The following IQGAP1 variants were observed in gnomAD, a reference collection of about 807,000 sequenced individuals.
IQGAP1 encodes the protein IQ motif containing GTPase activating protein 1.
In IQGAP1, 66 loss-of-function variants were observed where a neutral mutation model predicts 215.6. The ratio of observed to expected loss-of-function variants is 0.31; its 90% CI spans 0.25 to 0.38. The LOEUF (loss-of-function observed/expected upper bound fraction) is 0.38, where lower values mean the gene tolerates loss of function less well. IQGAP1 is among the 10% of genes least tolerant of loss of function. IQGAP1 has a pLI of 1.00. For synonymous variants in IQGAP1, 772 were observed against 728.7 expected (o/e 1.06, Z -0.96); for missense variants, 1,712 against 1,997.1 (o/e 0.86, Z 2.72).
At chr15:90,496,103 A>G (rs1218177455) in intron 36 of IQGAP1, among the ~76,000 whole-genome samples, 1 of 151,868 alleles carries the variant, frequency 6.6e-6, no homozygotes, top group Non-Finnish European at 1.5e-5. Context: ...AATATGTTTA[A>G]GGAATAACCC....
rs186274825 is a variant in IQGAP1, at chr15:90,403,921, C to T, written c.155+13048C>T. ...AACTCCTGACCTTAGGTTATCTGCC[C>T]GCCTTGGCCTCCCTAAGTGTTGGGC... On this transcript the variant is annotated intron_variant, in intron 2 of 37. Transcript: ENST00000268182. 8.8e-4 allele frequency among the ~76,000 whole-genome samples: 134 copies of T among 152,308 alleles called. 1 individual carries two copies. The highest frequency in any genetic ancestry group is 3.2e-3 in the African/African-American group (131 of 41,568).
chr15:90,477,695 G>A lies in IQGAP1; in HGVS notation c.3135G>A (p.Val1045=). ...KSKVDQIQEI[V]TGNPTVIKMV... is the part of the protein sequence containing the mutation. ...AGGTAGATCAGATTCAAGAGATTGTGACAGGAAATCCTACGGTTATTAAAA... is the reference window on the plus strand; with the variant it reads ...AGGTAGATCAGATTCAAGAGATTGTAACAGGAAATCCTACGGTTATTAAAA... Residue 1045 remains valine, a synonymous_variant, in exon 26 of 38, where the codon GTG becomes GTA. Coordinates refer to ENST00000268182, the MANE Select transcript of IQGAP1 (RefSeq NM_003870.4). 1 of 1,613,798 alleles carries A rather than the reference G, an allele frequency of 6.2e-7. No individual in the cohort carries two copies. The highest frequency in any genetic ancestry group is 8.5e-7 in the Non-Finnish European group (1 of 1,179,776).
Position 90,417,447 on chromosome 15 carries a change from C to T in IQGAP1, c.156-8663C>T, listed in dbSNP as rs544727915. Among the ~76,000 whole-genome samples, 1,059 of 152,256 alleles carry T rather than the reference C, an allele frequency of 7.0e-3. 14 individuals are homozygous for T. Among genetic ancestry groups the T allele is most frequent in the African/African-American group, 0.025 (1,028 of 41,532 alleles). ...ATATGGCTAGCCAGTTTTCCCAGCA[C>T]CATTTATTAAATAGGGAATCGTTTC... On this transcript the variant is annotated intron_variant, in intron 2 of 37. Coordinates refer to ENST00000268182, the MANE Select transcript of IQGAP1 (RefSeq NM_003870.4).
chr15:90,433,790 A>T lies in IQGAP1; in HGVS notation c.462A>T (p.Ala154=), dbSNP rs778014212. The T allele has an allele frequency of 6.3e-7, 1 of 1,582,680 alleles. No individual in the cohort carries two copies. Among genetic ancestry groups the T allele is most frequent in the Non-Finnish European group, 8.6e-7 (1 of 1,159,006 alleles). ...CAAGATGTATCTACTGTATCCATGC[A>T]CTCAGGTAGTCAAATTTTCTTGGCA... The part of the protein sequence containing the change: ...NMPRCIYCIH[A]LSLYLFKLGL... Residue 154 remains alanine, a synonymous_variant, in exon 5 of 38, where the codon GCA becomes GCT. Coordinates refer to ENST00000268182, the MANE Select transcript of IQGAP1 (RefSeq NM_003870.4).
chr15:90,433,873 T>TA, intron 5 of IQGAP1, 78 bp downstream of exon 5: 1 of 845,144 alleles, frequency 1.2e-6, no homozygotes, highest in South Asian at 1.9e-5. Flanking sequence ...ATCCTTGAGG[T>TA]AAGAATGAAA....
chr15:90,422,640 G>GTATATATATATATA (rs1301336267), intron 2 of IQGAP1, among the ~76,000 whole-genome samples: 1 of 61,554 alleles, frequency 1.6e-5, no homozygotes, highest in East Asian at 2.0e-3. Flanking sequence ...ATATATATAT[G>GTATATATATATATA]TATATGTATA....
intron 1 of IQGAP1, 114 bp downstream of exon 1, chr15:90,388,510 G>C: frequency 1.1e-6 from 1 of 952,008 alleles, no homozygotes. Context: ...CCGGCAGCTC[G>C]GACCCGGAAG....
chr15:90,408,109 G>A (rs28667854), intron 2 of IQGAP1, among the ~76,000 whole-genome samples: 32,516 of 152,088 alleles, frequency 0.21, 4,739 homozygotes, highest in African/African-American at 0.42. Context: ...ATGTATACTT[G>A]TCTTGTTCTC....
chr15:90,463,713 C>T (rs1396594451), intron 15 of IQGAP1, among the ~76,000 whole-genome samples: 1 of 152,170 alleles, frequency 6.6e-6, no homozygotes, highest in Non-Finnish European at 1.5e-5. Flanking sequence ...TTCCCTTTCC[C>T]AAGACTGTGA....
chr15:90,404,262 G>A (rs529519651), intron 2 of IQGAP1, among the ~76,000 whole-genome samples: 26 of 152,272 alleles, frequency 1.7e-4, no homozygotes, highest in African/African-American at 6.0e-4. Context: ...TTGCACATCT[G>A]CCTGTCAATA....
intron 34 of IQGAP1, among the ~76,000 whole-genome samples, chr15:90,491,938 C>G (rs1966211112): frequency 1.3e-5 from 2 of 152,174 alleles, no homozygotes; most frequent in Admixed American, 1.3e-4. Context: ...TGTGCTGTTG[C>G]ACTAAGATAA....
chr15:90,415,423 T>TTA (rs1965031292), intron 2 of IQGAP1, among the ~76,000 whole-genome samples: 1 of 152,244 alleles, frequency 6.6e-6, no homozygotes, highest in African/African-American at 2.4e-5. Context: ...TTACAGAAGT[T>TTA]TAAATACTAG....
At chr15:90,447,251 G>A (rs1365343624) in intron 9 of IQGAP1, among the ~76,000 whole-genome samples, 1 of 152,170 alleles carries the variant, frequency 6.6e-6, no homozygotes, top group African/African-American at 2.4e-5. Flanking sequence ...TGAATGGCAG[G>A]TATGAATATT....
At chr15:90,479,265 A>G (rs1966022619) in intron 26 of IQGAP1, among the ~76,000 whole-genome samples, 1 of 152,114 alleles carries the variant, frequency 6.6e-6, no homozygotes, top group South Asian at 2.1e-4. Flanking sequence ...GAAGGAAGTA[A>G]TGTATTGATT....
intron 8 of IQGAP1, 46 bp from the exon 9 acceptor site, chr15:90,443,348 T>C (rs1048267077): frequency 1.6e-6 from 2 of 1,260,294 alleles, no homozygotes; most frequent in Non-Finnish European, 2.3e-6. Flanking sequence ...TGTGGTCTTC[T>C]TAGACACCTT....
At chr15:90,497,099 A>T in intron 36 of IQGAP1, 133 bp from the exon 37 acceptor site, 1 of 597,636 alleles carries the variant, frequency 1.7e-6, no homozygotes, top group South Asian at 2.1e-5. Flanking sequence ...TCAGCTGCAG[A>T]AGTACTTTTG....
At chr15:90,450,376 T>C (rs1214832542) in intron 11 of IQGAP1, among the ~76,000 whole-genome samples, 1 of 133,934 alleles carries the variant, frequency 7.5e-6, no homozygotes, top group Admixed American at 8.7e-5. Flanking sequence ...CATTTATTCA[T>C]TGATGGACGC....
intron 11 of IQGAP1, among the ~76,000 whole-genome samples, chr15:90,451,752 G>T (rs2151023425): frequency 6.6e-6 from 1 of 150,852 alleles, no homozygotes; most frequent in East Asian, 1.9e-4. Flanking sequence ...TGGTGTCTTT[G>T]TCAAAAAATG....
At chr15:90,426,967 AAAAG>A (rs1336264157) in intron 3 of IQGAP1, among the ~76,000 whole-genome samples, 6 of 151,578 alleles carry the variant, frequency 4.0e-5, no homozygotes, top group East Asian at 1.9e-4. Context: ...AAAAAAAAAA[AAAAG>A]AAAGCCTAAT....
Sources: gnomAD v4.1 joint callset for allele counts (sites outside exome capture counted in the v4.1 genomes callset) on GRCh38, gnomAD v4.1.1 for gene constraint, MANE v1.5 for transcripts, NCBI Gene and HGNC (gene_info 2026-07-23, HGNC 2026-07-21) for gene names.